LRP1B: variants seen among roughly 807,000 people sequenced by gnomAD.
The protein encoded by LRP1B is low-density lipoprotein receptor-related protein 1B.
A neutral mutation model predicts 556.6 loss-of-function variants in LRP1B; 217 were observed. The observed-to-expected ratio is 0.39, with a 90% CI of 0.35 to 0.44. The LOEUF is 0.44. Among genes scored for constraint, LRP1B ranks in the 20% least tolerant of loss-of-function variants. LRP1B has a pLI of 1.00. For missense variants in LRP1B, 5,053 were observed against 5,620.8 expected (o/e 0.90, Z 3.23); for synonymous variants, 2,047 against 1,865.8 (o/e 1.10, Z -2.50).
intron 32 of LRP1B, among the ~76,000 whole-genome samples, chr2:140,778,481 T>G (rs1689575861): frequency 6.6e-6 from 1 of 152,114 alleles, no homozygotes; most frequent in Non-Finnish European, 1.5e-5. Context: ...CTGGAAATAT[T>G]CATGAATGCA....
intron 41 of LRP1B, among the ~76,000 whole-genome samples, chr2:140,696,665 C>T (rs879591102): frequency 4.6e-5 from 7 of 152,098 alleles, no homozygotes; most frequent in Non-Finnish European, 1.0e-4. Flanking sequence ...GTGAGCTCCA[C>T]CTGCTGTCAG....
At chr2:141,124,776 A>G (rs1701159722) in intron 7 of LRP1B, among the ~76,000 whole-genome samples, 1 of 152,146 alleles carries the variant, frequency 6.6e-6, no homozygotes, top group Non-Finnish European at 1.5e-5. Flanking sequence ...AACATTTAAA[A>G]GCAGCTTTGT....
chr2:140,978,261 A>G (rs958993720), intron 18 of LRP1B, among the ~76,000 whole-genome samples: 1 of 152,190 alleles, frequency 6.6e-6, no homozygotes, highest in Non-Finnish European at 1.5e-5. Flanking sequence ...TTCCAGTGAA[A>G]ACCTGACCCT....
At chr2:140,850,833 T>G (rs896583831) in intron 28 of LRP1B, among the ~76,000 whole-genome samples, 10 of 152,204 alleles carry the variant, frequency 6.6e-5, no homozygotes, top group Admixed American at 5.2e-4. Flanking sequence ...GTATTTTTTT[T>G]GTAAATTTGT....
At chr2:141,534,052 A>AGT (rs1424147304) in intron 2 of LRP1B, among the ~76,000 whole-genome samples, 1 of 151,140 alleles carries the variant, frequency 6.6e-6, no homozygotes, top group East Asian at 1.9e-4. Context: ...AGAGAAAGAG[A>AGT]GTGTGAGAGA....
Position 140,761,637 on chromosome 2 carries a change from T to A in LRP1B, c.5758+7576A>T, listed in dbSNP as rs143727598. On this transcript the variant is annotated intron_variant, in intron 35 of 90. Coordinates refer to ENST00000389484, the MANE Select transcript of LRP1B (RefSeq NM_018557.3). ...GACAAAGAACTGAGATAATACTCAGTAGAGAGTTATGGTCTTTTATTCAAC... is the reference window on the plus strand; with the variant it reads ...GACAAAGAACTGAGATAATACTCAGAAGAGAGTTATGGTCTTTTATTCAAC... Among the ~76,000 whole-genome samples, 571 of 152,208 alleles carry A rather than the reference T, an allele frequency of 3.8e-3. 4 individuals are homozygous for A. The highest frequency in any genetic ancestry group is 0.013 in the African/African-American group (554 of 41,530).
chr2:141,085,839 T>G (rs1396909323), intron 7 of LRP1B, among the ~76,000 whole-genome samples: 2 of 152,216 alleles, frequency 1.3e-5, no homozygotes, highest in South Asian at 4.1e-4. Flanking sequence ...ATCGCAGTTG[T>G]TTTTCATCTC....
chr2:140,582,908 A>G (rs1681829873), intron 43 of LRP1B, among the ~76,000 whole-genome samples: 1 of 152,134 alleles, frequency 6.6e-6, no homozygotes, highest in Non-Finnish European at 1.5e-5. Flanking sequence ...CCAGTTGATT[A>G]GGTTCAGCTT....
chr2:140,528,074 T>G (rs1690516067), intron 47 of LRP1B, among the ~76,000 whole-genome samples: 1 of 151,822 alleles, frequency 6.6e-6, no homozygotes, highest in Non-Finnish European at 1.5e-5. Flanking sequence ...ACAATCTGCC[T>G]CCAATCTCCC....
chr2:141,920,602 G>T (rs943953859), intron 1 of LRP1B, among the ~76,000 whole-genome samples: 1 of 151,934 alleles, frequency 6.6e-6, no homozygotes, highest in African/African-American at 2.4e-5. Flanking sequence ...AATGAACAAA[G>T]TTGAAGTTTT....
At chr2:141,774,778 G>T (rs1230727756) in intron 2 of LRP1B, among the ~76,000 whole-genome samples, 1 of 152,106 alleles carries the variant, frequency 6.6e-6, no homozygotes, top group Admixed American at 6.6e-5. Flanking sequence ...ATCTTCCAAA[G>T]AAAATGTTCT....
chr2:141,788,572 T>A (rs1225285804), intron 2 of LRP1B, among the ~76,000 whole-genome samples: 1 of 151,952 alleles, frequency 6.6e-6, no homozygotes, highest in Non-Finnish European at 1.5e-5. Context: ...AGGGTACATG[T>A]GCACAATGTG....
chr2:140,903,130 G>T lies in LRP1B; in HGVS notation c.3556C>A (p.His1186Asn), dbSNP rs1170996968. Residue 1186 changes from histidine to asparagine, a missense_variant, in exon 23 of 91, where the codon CAC becomes AAC. Transcript: ENST00000389484. ...CCTCTTCCAGGAACAACAGAACAGT[G>T]GTTGCTACAGCCTCCATTGTTCAGC... ...CSLNNGGCSN[H>N]CSVVPGRGIV... The T allele has an allele frequency of 6.2e-7, 1 of 1,613,404 alleles. No individual in the cohort carries two copies. Among genetic ancestry groups the T allele is most frequent in the Non-Finnish European group, 8.5e-7 (1 of 1,179,614 alleles).
chr2:140,243,764 T>G (rs1681046983), intron 87 of LRP1B, among the ~76,000 whole-genome samples: 1 of 151,178 alleles, frequency 6.6e-6, no homozygotes, highest in African/African-American at 2.4e-5. Context: ...CACACTGGTC[T>G]TCTTTCAGTC....
At chr2:141,115,625 T>C (rs1265106426) in intron 7 of LRP1B, among the ~76,000 whole-genome samples, 1 of 91,562 alleles carries the variant, frequency 1.1e-5, no homozygotes, top group African/African-American at 3.6e-5. Flanking sequence ...CCCGGCTAAT[T>C]TGTGTGTGTG....
Position 141,135,356 on chromosome 2 carries a change from G to A in LRP1B, c.1013+53065C>T, listed in dbSNP as rs575797045. Among the ~76,000 whole-genome samples the A allele has an allele frequency of 2.1e-3, 316 of 152,024 alleles. 2 individuals are homozygous for A. The highest frequency in any genetic ancestry group is 5.5e-3 in the Admixed American group (84 of 15,204). On this transcript the variant is annotated intron_variant, in intron 7 of 90. Coordinates refer to ENST00000389484, the MANE Select transcript of LRP1B (RefSeq NM_018557.3). ...TTCCTTCTGGCATCTGAAATCTAAA[G>A]AACAATGAGAGTTGAGTGCTGCAGG...
At chr2:141,380,586 A>T (rs1010813511) in intron 3 of LRP1B, among the ~76,000 whole-genome samples, 1 of 152,168 alleles carries the variant, frequency 6.6e-6, no homozygotes, top group African/African-American at 2.4e-5. Flanking sequence ...GGAATTCATT[A>T]GGCCTCTAGG....
At chr2:141,004,643 T>G (rs1332425777) in intron 15 of LRP1B, among the ~76,000 whole-genome samples, 1 of 152,046 alleles carries the variant, frequency 6.6e-6, no homozygotes, top group African/African-American at 2.4e-5. Context: ...TACATCCTAT[T>G]AGTTCTGTTT....
At chr2:142,005,796 G>A (rs1191972) in intron 1 of LRP1B, among the ~76,000 whole-genome samples, 78,638 of 150,784 alleles carry the variant, frequency 0.52, 20,715 homozygotes, top group South Asian at 0.61. Context: ...TTTTGGCAAG[G>A]TATATCCCAA....
Sources: allele counts gnomAD v4.1 joint callset (sites outside exome capture counted in the v4.1 genomes callset), GRCh38; gene constraint gnomAD v4.1.1; transcripts MANE v1.5; gene names NCBI Gene and HGNC (gene_info 2026-07-23, HGNC 2026-07-21).